TPRG1: variants seen among roughly 807,000 people sequenced by gnomAD.
TPRG1 encodes tumor protein p63 regulated 1, also known as tumor protein p63-regulated gene 1 protein.
TPRG1 carries 29 observed loss-of-function variants against 29.3 expected under a neutral mutation model. The observed-to-expected ratio is 0.99, with a 90% CI of 0.74 to 1.35. The LOEUF is 1.35. Among genes scored for constraint, TPRG1 ranks in the 40% most tolerant of loss-of-function variants. TPRG1 has a pLI of 0.00. For synonymous variants in TPRG1, 130 were observed against 116.8 expected, an observed-to-expected ratio of 1.11 and a Z score of -0.73; for missense variants, 327 against 335.0, an observed-to-expected ratio of 0.98 and a Z score of 0.19.
chr3:189,210,745 C>A (rs889933797), intron 2 of TPRG1, among the ~76,000 whole-genome samples: 11 of 152,142 alleles, frequency 7.2e-5, no homozygotes, highest in Non-Finnish European at 1.3e-4. Context: ...CTCAATGTCA[C>A]GGTAGATAGT....
chr3:189,228,107 C>T (rs564040485), intron 3 of TPRG1, among the ~76,000 whole-genome samples: 1 of 152,154 alleles, frequency 6.6e-6, no homozygotes, highest in Non-Finnish European at 1.5e-5. Context: ...GGCAACAGAG[C>T]GAGACTCCAT....
intron 4 of TPRG1, among the ~76,000 whole-genome samples, chr3:189,048,617 G>A (rs767856223): frequency 5.3e-5 from 8 of 152,026 alleles, no homozygotes; most frequent in Non-Finnish European, 8.8e-5. Context: ...GGAAATCTGG[G>A]CTACATGAGT....
At chr3:189,047,695 A>G (rs1715062666) in intron 4 of TPRG1, among the ~76,000 whole-genome samples, 1 of 152,168 alleles carries the variant, frequency 6.6e-6, no homozygotes, top group Non-Finnish European at 1.5e-5. Context: ...AGTTTATGTA[A>G]TAGTTTAATC....
chr3:189,107,412 A>G (rs963811606), intron 1 of TPRG1, among the ~76,000 whole-genome samples: 1 of 152,186 alleles, frequency 6.6e-6, no homozygotes, highest in South Asian at 2.1e-4. Context: ...AAAAGTAAAA[A>G]TTCTTTCTAA....
intron 3 of TPRG1, among the ~76,000 whole-genome samples, chr3:189,225,490 T>C (rs961896048): frequency 6.6e-6 from 1 of 152,216 alleles, no homozygotes; most frequent in Non-Finnish European, 1.5e-5. Flanking sequence ...TGCTCAATAA[T>C]TTAAACATAG....
At chr3:189,314,752 GA>G (rs1437442209) in intron 5 of TPRG1, among the ~76,000 whole-genome samples, 1 of 152,028 alleles carries the variant, frequency 6.6e-6, no homozygotes, top group Non-Finnish European at 1.5e-5. Flanking sequence ...ATTACAATTT[GA>G]ATACTATTTT....
intron 4 of TPRG1, among the ~76,000 whole-genome samples, chr3:189,252,682 G>T (rs1056424050): frequency 6.6e-6 from 1 of 152,020 alleles, no homozygotes; most frequent in Admixed American, 6.6e-5. Context: ...ATTTAGGGGG[G>T]TTCTCAATTT....
intron 4 of TPRG1, among the ~76,000 whole-genome samples, chr3:189,268,350 G>T (rs577209788): frequency 2.0e-5 from 3 of 152,282 alleles, no homozygotes; most frequent in East Asian, 3.9e-4. Flanking sequence ...GCAAATCTCC[G>T]TGGGGAGGCG....
chr3:189,298,523 C>G (rs1334174836), intron 4 of TPRG1, among the ~76,000 whole-genome samples: 2 of 152,188 alleles, frequency 1.3e-5, no homozygotes, highest in African/African-American at 2.4e-5. Flanking sequence ...TCTGCATCCT[C>G]TGACCTCTAA....
intron 4 of TPRG1, among the ~76,000 whole-genome samples, chr3:189,084,273 T>C (rs1056752082): frequency 1.3e-5 from 2 of 152,256 alleles, no homozygotes; most frequent in African/African-American, 2.4e-5. Context: ...TATTAACCTA[T>C]ACATAAAAAT....
chr3:189,299,408 A>G (rs1400452424), intron 4 of TPRG1, among the ~76,000 whole-genome samples: 3 of 151,916 alleles, frequency 2.0e-5, no homozygotes, highest in Admixed American at 2.0e-4. Flanking sequence ...CAAACGTATA[A>G]CTCTTTCTAT....
rs1350160996 is a variant in TPRG1 at position 189,277,043 on chromosome 3, T to A, written c.480-33343T>A. ...TCTGTCTCCACTATAATTGCAGCAC[T>A]GGGTGAGACGCTGCTCGAGGAGGAA... On this transcript the variant is annotated intron_variant, in intron 4 of 5. Transcript: ENST00000345063. Among the ~76,000 whole-genome samples, 2 of 152,146 alleles carry A rather than the reference T, an allele frequency of 1.3e-5. 1 individual carries two copies. Among genetic ancestry groups the A allele is most frequent in the Non-Finnish European group, 2.9e-5 (2 of 68,024 alleles).
intron 4 of TPRG1, among the ~76,000 whole-genome samples, chr3:189,266,011 G>A (rs1714012493): frequency 6.6e-6 from 1 of 152,132 alleles, no homozygotes; most frequent in South Asian, 2.1e-4. Flanking sequence ...CCCAAAGACC[G>A]AGAATGATAA....
chr3:189,209,285 T>C (rs1387821447), intron 2 of TPRG1, among the ~76,000 whole-genome samples: 2 of 152,200 alleles, frequency 1.3e-5, no homozygotes, highest in African/African-American at 4.8e-5. Flanking sequence ...TCACAGTGCA[T>C]GGTGACCTGC....
At chr3:189,104,157 A>T (rs6780339) in intron 1 of TPRG1, among the ~76,000 whole-genome samples, 2 of 151,820 alleles carry the variant, frequency 1.3e-5, no homozygotes, top group East Asian at 1.9e-4. Context: ...GATGCCCCCC[A>T]ACAGTAGCAC....
chr3:189,310,061 C>T (rs1374316372), intron 4 of TPRG1: 2 of 172,402 alleles, frequency 1.2e-5, no homozygotes, highest in African/African-American at 2.4e-5. Context: ...TACTGTTCAC[C>T]TCTTTGATAC....
At chr3:189,151,913 T>C (rs1009689882) in intron 5 of TPRG1, among the ~76,000 whole-genome samples, 2 of 152,080 alleles carry the variant, frequency 1.3e-5, no homozygotes, top group Non-Finnish European at 2.9e-5. Context: ...GATCCTCCAT[T>C]ATATGTCAAG....
chr3:189,046,720 C>T (rs558739189), intron 4 of TPRG1, among the ~76,000 whole-genome samples: 3 of 152,102 alleles, frequency 2.0e-5, no homozygotes, highest in South Asian at 2.1e-4. Context: ...AAAAGATTTA[C>T]TGGATTCTTT....
At chr3:189,036,160 A>G (rs1487236054) in intron 4 of TPRG1, among the ~76,000 whole-genome samples, 1 of 152,166 alleles carries the variant, frequency 6.6e-6, no homozygotes, top group East Asian at 1.9e-4. Flanking sequence ...TTAATGAAGG[A>G]ACAGAAAAAC....
Sources: gnomAD v4.1 joint callset for allele counts (sites outside exome capture counted in the v4.1 genomes callset) on GRCh38, gnomAD v4.1.1 for gene constraint, MANE v1.5 for transcripts, NCBI Gene and HGNC (gene_info 2026-07-23, HGNC 2026-07-21) for gene names.